Variants in FNIP1 observed in about 807,000 individuals in gnomAD.
FNIP1 encodes folliculin interacting protein 1.
Under a neutral mutation model 124.5 loss-of-function variants are expected in FNIP1, and 40 were observed. The observed-to-expected ratio is 0.32, with a 90% CI of 0.25 to 0.42. The LOEUF (loss-of-function observed/expected upper bound fraction) is 0.42. Among genes scored for constraint, FNIP1 ranks in the 10% least tolerant of loss-of-function variants. The pLI, the probability that FNIP1 is intolerant of heterozygous loss-of-function variation, is 1.00. For missense variants in FNIP1, 1,176 were observed against 1,403.7 expected (o/e 0.84, Z 2.59); for synonymous variants, 472 against 470.6 (o/e 1.00, Z -0.04).
At chr5:131,653,729 T>G (rs1474485648) in intron 15 of FNIP1, among the ~76,000 whole-genome samples, 1 of 152,212 alleles carries the variant, frequency 6.6e-6, no homozygotes, top group African/African-American at 2.4e-5. Context: ...TTATACTGTT[T>G]GAACTTTTAA....
At chr5:131,696,941 A>T (rs1768715697) in intron 11 of FNIP1, among the ~76,000 whole-genome samples, 1 of 152,158 alleles carries the variant, frequency 6.6e-6, no homozygotes, top group Non-Finnish European at 1.5e-5. Flanking sequence ...CAAGTAAATG[A>T]TTATTATACA....
At chr5:131,781,997 C>T (rs754591881) in intron 1 of FNIP1, among the ~76,000 whole-genome samples, 1 of 151,644 alleles carries the variant, frequency 6.6e-6, no homozygotes, top group Non-Finnish European at 1.5e-5. Context: ...TATGTAAAAC[C>T]AAAAAAATTA....
At chr5:131,757,145 C>G (rs185468442) in intron 1 of FNIP1, among the ~76,000 whole-genome samples, 12 of 152,152 alleles carry the variant, frequency 7.9e-5, no homozygotes, top group African/African-American at 2.9e-4. Context: ...GTGGTCTCAA[C>G]GAAGTTAAAG....
chr5:131,674,292 T>C (rs1767849482), intron 13 of FNIP1, among the ~76,000 whole-genome samples: 1 of 152,174 alleles, frequency 6.6e-6, no homozygotes, highest in Non-Finnish European at 1.5e-5. Flanking sequence ...ATTTTCACTT[T>C]TGAATCCATT....
chr5:131,672,955 G>A, intron 13 of FNIP1, 31 bp from the exon 14 acceptor site: 3 of 1,422,680 alleles, frequency 2.1e-6, no homozygotes, highest in Non-Finnish European at 2.8e-6. Flanking sequence ...TATTGGACAT[G>A]TCCTTTACTG....
intron 1 of FNIP1, among the ~76,000 whole-genome samples, chr5:131,757,218 T>A (rs1771078537): frequency 1.3e-5 from 2 of 152,028 alleles, no homozygotes; most frequent in African/African-American, 4.8e-5. Flanking sequence ...AATGGGAAGA[T>A]CTCAGAAAGA....
chr5:131,704,206 C>T lies in FNIP1; in HGVS notation c.975G>A (p.Val325=). Residue 325 remains valine (V), a synonymous_variant, in exon 10 of 18, where the codon GTG becomes GTA. Coordinates refer to ENST00000510461, the MANE Select transcript of FNIP1 (RefSeq NM_133372.3). The part of the protein sequence containing the change: ...DESCGPNPGI[V]RKKKIAIGVI... ...CCCCAATTGCAATCTTCTTTTTCCG[C>T]ACAATTCCTGGGTTAGGGCCACAGC... 1 of 1,613,716 alleles carries T rather than the reference C, an allele frequency of 6.2e-7. No homozygotes were observed.
chr5:131,645,309 C>CAAAAA (rs34663555), intron 17 of FNIP1, among the ~76,000 whole-genome samples: 2 of 132,468 alleles, frequency 1.5e-5, no homozygotes, highest in Non-Finnish European at 3.1e-5. Flanking sequence ...GACCCTGTCT[C>CAAAAA]AAAAAAAAAA....
chr5:131,786,345 T>C (rs1772218688), intron 1 of FNIP1, among the ~76,000 whole-genome samples: 1 of 152,122 alleles, frequency 6.6e-6, no homozygotes, highest in Non-Finnish European at 1.5e-5. Flanking sequence ...TATATAAAAA[T>C]GCAATTAAAA....
At chr5:131,666,152 G>A (rs1328878604) in intron 15 of FNIP1, among the ~76,000 whole-genome samples, 5 of 152,148 alleles carry the variant, frequency 3.3e-5, no homozygotes, top group Admixed American at 6.5e-5. Flanking sequence ...CTCCCAAAGT[G>A]CTGAGATTAC....
At chr5:131,699,810 A>C (rs1447384202) in intron 10 of FNIP1, among the ~76,000 whole-genome samples, 3 of 148,320 alleles carry the variant, frequency 2.0e-5, no homozygotes, top group Non-Finnish European at 3.0e-5. Context: ...CAGCTATGAA[A>C]GAGGCTGAGG....
At chr5:131,695,206 T>C (rs1768652775) in intron 11 of FNIP1, among the ~76,000 whole-genome samples, 1 of 152,164 alleles carries the variant, frequency 6.6e-6, no homozygotes, top group Non-Finnish European at 1.5e-5. Context: ...ATGAAAAAAC[T>C]GCTATTTGCT....
intron 16 of FNIP1, among the ~76,000 whole-genome samples, chr5:131,650,721 T>C (rs1767014132): frequency 6.6e-6 from 1 of 152,210 alleles, no homozygotes; most frequent in Admixed American, 6.5e-5. Context: ...CTTTCAGTCT[T>C]CCACCACTTA....
chr5:131,683,142 C>A (rs1210539381), intron 11 of FNIP1, among the ~76,000 whole-genome samples: 6 of 152,010 alleles, frequency 3.9e-5, no homozygotes, highest in African/African-American at 4.8e-5. Flanking sequence ...TTTAAATAAT[C>A]CCTTAATTTA....
chr5:131,720,818 A>G (rs1236852266), intron 3 of FNIP1, among the ~76,000 whole-genome samples: 1 of 152,202 alleles, frequency 6.6e-6, no homozygotes, highest in Non-Finnish European at 1.5e-5. Context: ...GCTATAATCA[A>G]AAAAGCAAAG....
At chr5:131,764,940 C>T (rs749899821) in intron 1 of FNIP1, among the ~76,000 whole-genome samples, 3 of 151,960 alleles carry the variant, frequency 2.0e-5, no homozygotes, top group South Asian at 2.1e-4. Context: ...ATGCATCATA[C>T]GGCTGGGTGT....
intron 1 of FNIP1, among the ~76,000 whole-genome samples, chr5:131,790,385 G>A (rs1772365909): frequency 6.6e-6 from 1 of 151,224 alleles, no homozygotes; most frequent in African/African-American, 2.4e-5. Flanking sequence ...AGGCTGAGGT[G>A]GGGAGATGGC....
At chr5:131,659,044 G>A (rs1407995899) in intron 15 of FNIP1, among the ~76,000 whole-genome samples, 8 of 151,784 alleles carry the variant, frequency 5.3e-5, no homozygotes, top group South Asian at 2.1e-4. Flanking sequence ...GTAACAGTCC[G>A]CCTAGAAGCA....
chr5:131,707,918 A>G lies in FNIP1; in HGVS notation c.778+1283T>C, dbSNP rs185785627. On this transcript the variant is annotated intron_variant, in intron 8 of 17. Transcript: ENST00000510461. ...AATCTTAAATAAAATAATGAGAATT[A>G]AATTCCTGCCAGGGAAGACTAAATA... Among the ~76,000 whole-genome samples the G allele has an allele frequency of 4.8e-3, 728 of 152,298 alleles. 2 individuals carry two copies. The highest frequency in any genetic ancestry group is 8.0e-3 in the Non-Finnish European group (542 of 68,020).
Sources: allele counts gnomAD v4.1 joint callset (sites outside exome capture counted in the v4.1 genomes callset), GRCh38; gene constraint gnomAD v4.1.1; transcripts MANE v1.5; gene names NCBI Gene and HGNC (gene_info 2026-07-23, HGNC 2026-07-21).